RAD51B: variants seen among roughly 807,000 people sequenced by gnomAD.
The protein encoded by RAD51B is DNA repair protein RAD51 homolog 2.
In RAD51B, 38 loss-of-function variants were observed where a neutral mutation model predicts 42.2. The observed-to-expected ratio is 0.90, with a 90% CI of 0.70 to 1.18. The LOEUF (loss-of-function observed/expected upper bound fraction) is 1.18. RAD51B is among the 50% of genes most tolerant of loss of function. The pLI is 0.00. For synonymous variants in RAD51B, 154 were observed against 145.2 expected (o/e 1.06, Z -0.43); for missense variants, 373 against 400.7 (o/e 0.93, Z 0.59).
chr14:68,611,805 G>C (rs999339393), downstream of RAD51B, among the ~76,000 whole-genome samples: 1 of 152,182 alleles, frequency 6.6e-6, no homozygotes, highest in Non-Finnish European at 1.5e-5. Context: ...GGACATGACA[G>C]AGCCTGTCAG....
At position 67,886,098 on chromosome 14, in the gene RAD51B, G is replaced by A. The variant is rs2140052302; in HGVS notation, c.572+110G>A. ...AGTCTTTATAGGTTAGAATTATGTGGAGTAACTTTTTCAGTGTTCTTCTTT... is the reference window on the plus strand; with the variant it reads ...AGTCTTTATAGGTTAGAATTATGTGAAGTAACTTTTTCAGTGTTCTTCTTT... On this transcript the variant is annotated intron_variant, in intron 6 of 10. Coordinates refer to ENST00000471583, the MANE Select transcript of RAD51B (RefSeq NM_133510.4). 5.5e-6 allele frequency: 5 copies of A among 917,342 alleles called. 1 individual carries two copies. In the Middle Eastern group the frequency reaches 1.6e-3, roughly 294 times the overall value. 56.8% of individuals were successfully genotyped at this position (917,342 alleles called of 1,614,324 possible).
At chr14:67,942,094 T>A (rs764297244) in intron 7 of RAD51B, among the ~76,000 whole-genome samples, 22 of 152,180 alleles carry the variant, frequency 1.4e-4, no homozygotes, top group Admixed American at 7.2e-4. Context: ...TGGTTATAAT[T>A]CATAGAGAAT....
intron 7 of RAD51B, among the ~76,000 whole-genome samples, chr14:67,960,139 A>G (rs2074633993): frequency 6.6e-6 from 1 of 152,138 alleles, no homozygotes; most frequent in Admixed American, 6.5e-5. Context: ...TAATAGAAAT[A>G]TGCAAACATA....
intron 7 of RAD51B, among the ~76,000 whole-genome samples, chr14:68,258,431 A>ACACACACT (rs1555382630): frequency 9.4e-5 from 14 of 149,110 alleles, no homozygotes; most frequent in African/African-American, 3.0e-4. Context: ...ACACACACAC[A>ACACACACT]CTCTCTCTCT....
At chr14:68,530,484 A>G (rs1269145409) in intron 10 of RAD51B, among the ~76,000 whole-genome samples, 2 of 151,134 alleles carry the variant, frequency 1.3e-5, no homozygotes, top group Non-Finnish European at 3.0e-5. Flanking sequence ...TAAAGAAAGA[A>G]AAAAACAAAG....
intron 4 of RAD51B, among the ~76,000 whole-genome samples, chr14:67,853,406 T>C (rs768738869): frequency 2.6e-5 from 4 of 152,242 alleles, no homozygotes; most frequent in Admixed American, 6.5e-5. Context: ...ACTTTTCATC[T>C]TGGTGTTGTA....
intron 9 of RAD51B, among the ~76,000 whole-genome samples, chr14:68,428,217 A>G (rs1257175894): frequency 1.3e-5 from 2 of 152,242 alleles, no homozygotes; most frequent in East Asian, 1.9e-4. Context: ...CTAAGACAAT[A>G]TGTATTACAA....
At chr14:68,567,201 A>T (rs971255125) in intron 10 of RAD51B, among the ~76,000 whole-genome samples, 2 of 152,176 alleles carry the variant, frequency 1.3e-5, no homozygotes, top group Admixed American at 1.3e-4. Context: ...CGGGAGGCTG[A>T]GGCAGGAGAA....
At chr14:67,922,242 G>C (rs1184821792) in intron 7 of RAD51B, among the ~76,000 whole-genome samples, 2 of 152,146 alleles carry the variant, frequency 1.3e-5, no homozygotes, top group African/African-American at 4.8e-5. Flanking sequence ...CAGTGAGTTT[G>C]TTACTTCTCA....
intron 5 of RAD51B, among the ~76,000 whole-genome samples, chr14:67,878,105 A>G (rs976094569): frequency 6.6e-5 from 10 of 152,172 alleles, no homozygotes; most frequent in East Asian, 1.9e-4. Context: ...TTTTATGTCA[A>G]TATCTTTAAT....
intron 10 of RAD51B, among the ~76,000 whole-genome samples, chr14:68,476,554 C>T (rs900505127): frequency 1.3e-5 from 2 of 152,172 alleles, no homozygotes; most frequent in Admixed American, 6.5e-5. Flanking sequence ...GGTGAGAATC[C>T]AGTAAGTCAT....
intron 10 of RAD51B, among the ~76,000 whole-genome samples, chr14:68,578,675 T>A (rs1236188681): frequency 6.6e-6 from 1 of 152,124 alleles, no homozygotes; most frequent in Non-Finnish European, 1.5e-5. Flanking sequence ...GAGACCAAGT[T>A]GGAAGGAATA....
intron 9 of RAD51B, among the ~76,000 whole-genome samples, chr14:68,458,319 T>C (rs1180874422): frequency 6.6e-6 from 1 of 152,194 alleles, no homozygotes; most frequent in Non-Finnish European, 1.5e-5. Context: ...ACTATAAAAT[T>C]CTTTCACTTT....
intron 9 of RAD51B, among the ~76,000 whole-genome samples, chr14:68,413,703 T>C (rs549651869): frequency 6.6e-6 from 1 of 152,276 alleles, no homozygotes; most frequent in East Asian, 1.9e-4. Context: ...CCTGAGTCTT[T>C]CCTGTGGTCT....
intron 7 of RAD51B, among the ~76,000 whole-genome samples, chr14:68,018,265 A>C (rs1054567809): frequency 6.6e-6 from 1 of 152,202 alleles, no homozygotes; most frequent in Non-Finnish European, 1.5e-5. Context: ...CCCCTTTTTA[A>C]TCAGTAATTG....
chr14:68,502,981 C>G (rs935687120), intron 10 of RAD51B, among the ~76,000 whole-genome samples: 1 of 152,236 alleles, frequency 6.6e-6, no homozygotes, highest in African/African-American at 2.4e-5. Context: ...TGTGTTGGTT[C>G]TGCCTGGACT....
intron 10 of RAD51B, among the ~76,000 whole-genome samples, chr14:68,529,091 A>C (rs1323238361): frequency 1.3e-5 from 2 of 152,230 alleles, no homozygotes; most frequent in Admixed American, 1.3e-4. Context: ...ATCCAGAAGC[A>C]CAGCTAGAGG....
intron 10 of RAD51B, among the ~76,000 whole-genome samples, chr14:68,619,533 A>G (rs969654101): frequency 6.6e-6 from 1 of 152,184 alleles, no homozygotes; most frequent in Non-Finnish European, 1.5e-5. Context: ...TGAGTTTTAA[A>G]AGGTTAGTCC....
Position 68,080,268 on chromosome 14 carries a change from G to A in RAD51B, c.756+193064G>A, listed in dbSNP as rs573171969. 1.8e-4 allele frequency among the ~76,000 whole-genome samples: 28 copies of A among 152,294 alleles called. No individual in the cohort carries two copies. In the South Asian group the frequency reaches 5.8e-3, roughly 32 times the overall value. On this transcript the variant is annotated intron_variant, in intron 7 of 10. Transcript: ENST00000471583. ...TGGGCTAGTGTTTCCTTCCCCAGAT[G>A]TATCAACTTAATCTTATTTATTTTC...
Sources: gnomAD v4.1 joint callset for allele counts (sites outside exome capture counted in the v4.1 genomes callset) on GRCh38, gnomAD v4.1.1 for gene constraint, MANE v1.5 for transcripts, NCBI Gene and HGNC (gene_info 2026-07-23, HGNC 2026-07-21) for gene names.